The following ZCCHC17 variants were observed in gnomAD, a reference collection of about 807,000 sequenced individuals.
ZCCHC17 encodes zinc finger CCHC domain-containing protein 17.
In ZCCHC17, 18 loss-of-function variants were observed where a neutral mutation model predicts 30.6. The ratio of observed to expected loss-of-function variants is 0.59; its 90% confidence interval spans 0.41 to 0.87. The LOEUF (loss-of-function observed/expected upper bound fraction) is 0.87, where lower values mean the gene tolerates loss of function less well. Ranked by LOEUF, ZCCHC17 falls within the 40% of genes least tolerant of loss-of-function variation. The pLI is 0.00. For missense variants in ZCCHC17, 263 were observed against 284.2 expected, an observed-to-expected ratio of 0.93 and a Z score of 0.54; for synonymous variants, 88 against 92.4, an observed-to-expected ratio of 0.95 and a Z score of 0.27.
At chr1:31,330,194 T>G (rs1054541511) in intron 3 of ZCCHC17, among the ~76,000 whole-genome samples, 1 of 152,222 alleles carries the variant, frequency 6.6e-6, no homozygotes, top group Non-Finnish European at 1.5e-5. Context: ...AAGAAATTAA[T>G]GTTGAACCTA....
intron 3 of ZCCHC17, among the ~76,000 whole-genome samples, chr1:31,334,039 G>A (rs1003115831): frequency 1.3e-5 from 2 of 152,076 alleles, no homozygotes; most frequent in Admixed American, 6.5e-5. Flanking sequence ...TTACATCATA[G>A]GGGAAAAAAA....
chr1:31,345,562 A>AT (rs71035094), intron 5 of ZCCHC17, among the ~76,000 whole-genome samples: 1 of 99,812 alleles, frequency 1.0e-5, no homozygotes, highest in Admixed American at 9.4e-5. Context: ...ATATATATAT[A>AT]ATATAATATA....
At chr1:31,306,819 C>A (rs1646471571) in intron 1 of ZCCHC17, among the ~76,000 whole-genome samples, 1 of 152,072 alleles carries the variant, frequency 6.6e-6, no homozygotes, top group Non-Finnish European at 1.5e-5. Flanking sequence ...AGGCTGGTGT[C>A]ACCACACCTG....
At chr1:31,311,561 C>T (rs1646602332) in intron 2 of ZCCHC17, among the ~76,000 whole-genome samples, 1 of 152,234 alleles carries the variant, frequency 6.6e-6, no homozygotes, top group Admixed American at 6.5e-5. Flanking sequence ...ATCAAGTTGT[C>T]AGCAGATTTG....
intron 2 of ZCCHC17, among the ~76,000 whole-genome samples, chr1:31,315,536 G>A (rs894035749): frequency 2.6e-5 from 4 of 152,102 alleles, no homozygotes; most frequent in African/African-American, 4.8e-5. Context: ...GCTGAGGGGA[G>A]ATTCATGTTG....
chr1:31,343,164 A>G (rs953852155), intron 5 of ZCCHC17, among the ~76,000 whole-genome samples: 1 of 152,100 alleles, frequency 6.6e-6, no homozygotes, highest in Non-Finnish European at 1.5e-5. Flanking sequence ...GGTTCAAGCA[A>G]TTCTCCTGCC....
chr1:31,317,444 A>G (rs138273754), intron 2 of ZCCHC17, among the ~76,000 whole-genome samples: 2 of 152,324 alleles, frequency 1.3e-5, no homozygotes, highest in East Asian at 1.9e-4. Flanking sequence ...TATGTGCTAC[A>G]TACCTATGTC....
At chr1:31,339,582 G>A (rs143182594) in intron 5 of ZCCHC17, among the ~76,000 whole-genome samples, 9 of 152,278 alleles carry the variant, frequency 5.9e-5, no homozygotes, top group Non-Finnish European at 1.3e-4. Context: ...AAACGTTAAC[G>A]TACCAAGCTC....
In ZCCHC17 at chr1:31,331,142, CT is replaced by C. The variant is rs113549583; in HGVS notation, c.125-6021del. Among the ~76,000 whole-genome samples the C allele has an allele frequency of 6.5e-3, 956 of 146,394 alleles. 8 individuals carry two copies. The highest frequency in any genetic ancestry group is 0.02 in the African/African-American group (820 of 40,224). The stretch of plus-strand genomic sequence containing the variant: ...ATCTAGTTGATTGTATCATAATATT[CT>C]TTTTTTTTTTTCTCTTGAGACGGAG... On this transcript the variant is annotated intron_variant, in intron 3 of 7. Transcript: ENST00000344147.
At chr1:31,355,718 CTCA>C (rs1421296726) in intron 7 of ZCCHC17, among the ~76,000 whole-genome samples, 1 of 152,196 alleles carries the variant, frequency 6.6e-6, no homozygotes, top group Non-Finnish European at 1.5e-5. Flanking sequence ...CATATCAGGA[CTCA>C]TCAAGTCAGT....
intron 3 of ZCCHC17, among the ~76,000 whole-genome samples, chr1:31,326,028 A>T (rs993253425): frequency 6.6e-6 from 1 of 152,078 alleles, no homozygotes; most frequent in African/African-American, 2.4e-5. Flanking sequence ...ACATGGAAAG[A>T]AGTCTAAGAT....
intron 5 of ZCCHC17, among the ~76,000 whole-genome samples, chr1:31,345,744 C>G (rs1028148029): frequency 6.6e-6 from 1 of 150,736 alleles, no homozygotes; most frequent in Non-Finnish European, 1.5e-5. Context: ...GCAAGCATAT[C>G]TTCATATGGC....
At chr1:31,301,216 G>C (rs575359646) in intron 1 of ZCCHC17, among the ~76,000 whole-genome samples, 32 of 152,310 alleles carry the variant, frequency 2.1e-4, no homozygotes, top group Middle Eastern at 3.4e-3. Flanking sequence ...TTCCATGTGT[G>C]TTACACTGTG....
chr1:31,355,001 C>A (rs1320157964), intron 7 of ZCCHC17, among the ~76,000 whole-genome samples: 2 of 152,050 alleles, frequency 1.3e-5, no homozygotes, highest in Non-Finnish European at 2.9e-5. Context: ...GTGGCAAAAC[C>A]CCGTCTCTAC....
intron 3 of ZCCHC17, among the ~76,000 whole-genome samples, chr1:31,326,132 T>C (rs1365930998): frequency 6.6e-6 from 1 of 152,218 alleles, no homozygotes; most frequent in Non-Finnish European, 1.5e-5. Flanking sequence ...ATCTTTTTTC[T>C]TTATATAGTT....
chr1:31,328,787 A>G (rs749432966), intron 3 of ZCCHC17, among the ~76,000 whole-genome samples: 2 of 152,090 alleles, frequency 1.3e-5, no homozygotes, highest in African/African-American at 4.8e-5. Flanking sequence ...AATCTCATGT[A>G]TGGGAGTTTT....
At position 31,364,183 on chromosome 1, in the gene ZCCHC17, A is replaced by C; in HGVS notation, c.716A>C (p.His239Pro). The change falls in exon 8 of 8, where the codon CAC (histidine) becomes CCC (proline). Residue 239 changes from histidine to proline, a missense_variant. Physicochemically the swap from His to Pro is moderately conservative, Grantham distance 77. Coordinates refer to ENST00000344147, the MANE Select transcript of ZCCHC17 (RefSeq NM_016505.4). ...KKKKKKHKKKHKE is the reference protein window; with the variant it reads ...KKKKKKHKKKPKE ...AAGAAGAAGAAGCACAAGAAGAAGC[A>C]CAAGGAGTGAGAGTATAAAGAGTGT... The C allele has an allele frequency of 1.2e-6, 2 of 1,613,428 alleles. No homozygotes were observed. Among genetic ancestry groups the C allele is most frequent in the Non-Finnish European group, 1.7e-6 (2 of 1,179,846 alleles).
chr1:31,317,379 C>T (rs1557432364), intron 2 of ZCCHC17, among the ~76,000 whole-genome samples: 1 of 152,138 alleles, frequency 6.6e-6, no homozygotes, highest in South Asian at 2.1e-4. Flanking sequence ...TCTTTTTGTG[C>T]TTCAGTGTCT....
chr1:31,348,929 T>A lies in ZCCHC17; in HGVS notation c.519T>A (p.Phe173Leu). 1 of 1,611,548 alleles carries A rather than the reference T, an allele frequency of 6.2e-7. No homozygotes were observed. The highest frequency in any genetic ancestry group is 8.5e-7 in the Non-Finnish European group (1 of 1,179,208). ...EEKEEAKSAE[F>L]EKPDPTRNPS... is the part of the protein sequence containing the mutation. ...AGGAAGAGGCAAAGTCAGCAGAGTT[T>A]GAGAAGCCTGACCCTACAAGGAATC... Residue 173 changes from phenylalanine (F) to leucine (L), a missense_variant, in exon 7 of 8, where the codon TTT (phenylalanine) becomes TTA (leucine). Transcript: ENST00000344147.
Sources: gnomAD v4.1 joint callset for allele counts (sites outside exome capture counted in the v4.1 genomes callset) on GRCh38, gnomAD v4.1.1 for gene constraint, MANE v1.5 for transcripts, NCBI Gene and HGNC (gene_info 2026-07-23, HGNC 2026-07-21) for gene names.